Variants in CECR2 observed in about 807,000 individuals in gnomAD.
CECR2 encodes the protein chromatin remodeling regulator CECR2.
A neutral mutation model predicts 154.5 loss-of-function variants in CECR2; 30 were observed. That is an observed-to-expected ratio of 0.19 (90% CI 0.15 to 0.26). The LOEUF (loss-of-function observed/expected upper bound fraction) is 0.26. CECR2 is among the 10% of genes least tolerant of loss of function. The probability of loss-of-function intolerance (pLI) is 1.00; values close to 1 mark genes in which losing one functional copy is unlikely to be tolerated. For synonymous variants in CECR2, 725 were observed against 683.7 expected (o/e 1.06, Z -0.94); for missense variants, 1,743 against 1,829.3 (o/e 0.95, Z 0.86).
chr22:17,448,525 T>C (rs1178112457), intron 1 of CECR2, among the ~76,000 whole-genome samples: 1 of 152,214 alleles, frequency 6.6e-6, no homozygotes, highest in South Asian at 2.1e-4. Context: ...TCTCATAGTA[T>C]TGCTGAGGAT....
At chr22:17,445,057 A>G (rs757975327) in intron 1 of CECR2, among the ~76,000 whole-genome samples, 63 of 152,294 alleles carry the variant, frequency 4.1e-4, no homozygotes, top group Non-Finnish European at 7.8e-4. Context: ...CTACTTTTAT[A>G]TCCTTAAATG....
chr22:17,527,611 A>G lies in CECR2; in HGVS notation c.1108+3340A>G, dbSNP rs2056286469. Among the ~76,000 whole-genome samples, 4 of 152,184 alleles carry G rather than the reference A, an allele frequency of 2.6e-5. No homozygotes were observed. In the South Asian group the frequency reaches 8.3e-4, roughly 32 times the overall value. ...GCAAAACCCTGCCTCTACTAAAAAT[A>G]CTAAAATTAGCTAGGCATGGTGGCA... is the stretch of plus-strand genomic sequence containing the variant. On this transcript the variant is annotated intron_variant, in intron 9 of 18. Coordinates refer to ENST00000262608, the MANE Select transcript of CECR2 (RefSeq NM_001290047.2).
rs1292360257 is a variant in CECR2 at position 17,557,273 on chromosome 22, C to T, written c.*4433C>T. ...AAGGGATTCGTCTGCCTCGGCCTCCCAAGTAGCTGGGACTACAAGCGCGCA... is the reference window on the plus strand; with the variant it reads ...AAGGGATTCGTCTGCCTCGGCCTCCTAAGTAGCTGGGACTACAAGCGCGCA... On this transcript the variant is annotated 3_prime_UTR_variant, in exon 19 of 19. Coordinates refer to ENST00000262608, the MANE Select transcript of CECR2 (RefSeq NM_001290047.2). 1 of 151,808 alleles carries T rather than the reference C, an allele frequency of 6.6e-6. No homozygotes were observed. Among genetic ancestry groups the T allele is most frequent in the Non-Finnish European group, 1.5e-5 (1 of 68,024 alleles). 9.4% of individuals were successfully genotyped at this position (151,808 alleles called of 1,614,324 possible).
chr22:17,435,813 C>T (rs574916741), intron 1 of CECR2, among the ~76,000 whole-genome samples: 98 of 151,700 alleles, frequency 6.5e-4, no homozygotes, highest in Non-Finnish European at 1.1e-3. Flanking sequence ...ATTAATACAT[C>T]AGATGTTCTG....
chr22:17,452,203 G>T (rs61322560), intron 1 of CECR2, among the ~76,000 whole-genome samples: 1 of 152,188 alleles, frequency 6.6e-6, no homozygotes, highest in Non-Finnish European at 1.5e-5. Context: ...CTCTGGAATA[G>T]CTGGGATTAC....
Position 17,511,824 on chromosome 22 carries a change from A to T in CECR2, c.882A>T (p.Pro294=), listed in dbSNP as rs1158916780. ...CNMIAQKGKR[P]QRTKAELHPR... is the part of the protein sequence containing the mutation. ...ACTTCTAACTATAGGGAAAACGTCC[A>T]CAGCGCACAAAGGCAGAGTTGCATC... Residue 294 remains proline (P), a synonymous_variant, in exon 8 of 19, where the codon CCA becomes CCT. Transcript: ENST00000262608. 2.5e-6 allele frequency: 4 copies of T among 1,612,490 alleles called. No homozygotes were observed.
intron 9 of CECR2, among the ~76,000 whole-genome samples, chr22:17,529,238 G>A (rs1478857233): frequency 6.6e-6 from 1 of 152,196 alleles, no homozygotes; most frequent in Non-Finnish European, 1.5e-5. Flanking sequence ...AGTCCAGGGC[G>A]AGGCTGCAGC....
intron 1 of CECR2, among the ~76,000 whole-genome samples, chr22:17,429,252 AAT>A (rs2054381955): frequency 6.6e-6 from 1 of 152,126 alleles, no homozygotes; most frequent in Non-Finnish European, 1.5e-5. Context: ...TGGTAGAATT[AAT>A]AGATGAAGGG....
chr22:17,489,193 A>G (rs939832959), intron 2 of CECR2, among the ~76,000 whole-genome samples: 1 of 152,196 alleles, frequency 6.6e-6, no homozygotes, highest in African/African-American at 2.4e-5. Context: ...TCGGCCTCCC[A>G]AAGTACTGGG....
At chr22:17,483,624 A>C (rs186068051) in intron 2 of CECR2, among the ~76,000 whole-genome samples, 1 of 152,334 alleles carries the variant, frequency 6.6e-6, no homozygotes, top group Admixed American at 6.5e-5. Flanking sequence ...ATTTTTGTAT[A>C]GCTCTAAAAA....
At chr22:17,381,884 A>AT (rs35781889) in intron 1 of CECR2, among the ~76,000 whole-genome samples, 17,242 of 140,632 alleles carry the variant, frequency 0.12, 1,273 homozygotes, top group African/African-American at 0.22. Flanking sequence ...GAGCCCCCAC[A>AT]TTTTTTTTTT....
At chr22:17,433,064 T>G (rs2054451019) in intron 1 of CECR2, among the ~76,000 whole-genome samples, 1 of 152,232 alleles carries the variant, frequency 6.6e-6, no homozygotes, top group African/African-American at 2.4e-5. Flanking sequence ...TCTGGTTGCC[T>G]AAGTACTGCA....
intron 1 of CECR2, among the ~76,000 whole-genome samples, chr22:17,401,828 A>ACCCCCCCCCCCC (rs34211703): frequency 8.8e-6 from 1 of 114,150 alleles, no homozygotes; most frequent in Non-Finnish European, 1.8e-5. Flanking sequence ...AATATTTAAC[A>ACCCCCCCCCCCC]CCCCCCCCCG....
chr22:17,540,726 T>TC lies in CECR2; in HGVS notation c.1812dup (p.Asn605GlnfsTer73). ...ACAGCCCCCGCGGGAGGTGGGCACT[T>TC]CCAATGGCCGAGGTTTTTCTCATCC... On this transcript the variant is annotated frameshift_variant, in exon 14 of 19. Transcript: ENST00000262608. LOFTEE classifies it high-confidence loss of function. 6.2e-7 allele frequency: 1 copy of TC among 1,612,334 alleles called. No individual in the cohort carries two copies. Among genetic ancestry groups the TC allele is most frequent in the Admixed American group, 1.7e-5 (1 of 59,702 alleles).
intron 6 of CECR2, among the ~76,000 whole-genome samples, chr22:17,504,252 A>G (rs1231753403): frequency 6.6e-6 from 1 of 151,646 alleles, no homozygotes; most frequent in East Asian, 1.9e-4. Flanking sequence ...ACACACCTGT[A>G]GTCCCAGCTA....
At chr22:17,361,846 CAA>C (rs2062979480) in intron 1 of CECR2, among the ~76,000 whole-genome samples, 3 of 151,520 alleles carry the variant, frequency 2.0e-5, no homozygotes, top group Admixed American at 6.6e-5. Flanking sequence ...TTATTATGAT[CAA>C]TTATTTGTAG....
At chr22:17,455,046 T>C (rs555557446) in intron 1 of CECR2, among the ~76,000 whole-genome samples, 19 of 152,274 alleles carry the variant, frequency 1.2e-4, no homozygotes, top group Admixed American at 5.2e-4. Flanking sequence ...TTGTCCCGAT[T>C]GGCTAGCAAC....
chr22:17,497,676 CAG>C, intron 3 of CECR2, 90 bp downstream of exon 3: 1 of 1,314,290 alleles, frequency 7.6e-7, no homozygotes, highest in Non-Finnish European at 1.1e-6. Context: ...GATACTAAGC[CAG>C]AGTTTGGCTT....
intron 1 of CECR2, among the ~76,000 whole-genome samples, chr22:17,456,582 G>A (rs2054857699): frequency 6.6e-6 from 1 of 152,054 alleles, no homozygotes; most frequent in African/African-American, 2.4e-5. Context: ...AGAAAATATG[G>A]TAGATATTGT....
Sources: allele counts gnomAD v4.1 joint callset (sites outside exome capture counted in the v4.1 genomes callset), GRCh38; gene constraint gnomAD v4.1.1; transcripts MANE v1.5; gene names NCBI Gene and HGNC (gene_info 2026-07-23, HGNC 2026-07-21).